Variants in PTGIS observed in about 807,000 individuals in gnomAD.
PTGIS encodes the protein prostaglandin I2 synthase, also known as prostacyclin synthase.
Under a neutral mutation model 50.3 loss-of-function variants are expected in PTGIS, and 45 were observed. The ratio of observed to expected loss-of-function variants is 0.90; its 90% confidence interval spans 0.70 to 1.15. The LOEUF is 1.15. Among genes scored for constraint, PTGIS ranks in the 50% most tolerant of loss-of-function variants. The pLI is 0.00. For synonymous variants in PTGIS, 260 were observed against 267.7 expected (o/e 0.97, Z 0.28); for missense variants, 668 against 661.3 (o/e 1.01, Z -0.11).
intron 1 of PTGIS, among the ~76,000 whole-genome samples, chr20:49,565,394 C>T (rs774216950): frequency 1.3e-5 from 2 of 152,132 alleles, no homozygotes; most frequent in Non-Finnish European, 2.9e-5. Context: ...CAAAGCCAGG[C>T]GTGGTGGTTC....
rs564372028 is a variant in PTGIS, at chr20:49,524,226, G to A, written c.687C>T (p.His229=). ...ACAGGCGACTTTTGACACTGCACAT[G>A]TGGTCCTTGTCCCCTGCAGGGACAG... is the stretch of plus-strand genomic sequence containing the variant. ...RGSLSVGDKD[H]MCSVKSRLWK... Residue 229 remains histidine (H), a synonymous_variant, in exon 6 of 10, where the codon CAC becomes CAT. Transcript: ENST00000244043. 9.9e-6 allele frequency: 16 copies of A among 1,614,154 alleles called. No individual in the cohort carries two copies. In the African/African-American group the frequency reaches 1.6e-4, roughly 16 times the overall value.
At chr20:49,551,429 A>G (rs1452450578) in intron 1 of PTGIS, among the ~76,000 whole-genome samples, 1 of 152,152 alleles carries the variant, frequency 6.6e-6, no homozygotes, top group Non-Finnish European at 1.5e-5. Flanking sequence ...CCAGACATTT[A>G]TTTCTATTGA....
intron 5 of PTGIS, among the ~76,000 whole-genome samples, chr20:49,531,357 T>C (rs913522784): frequency 6.6e-6 from 1 of 152,118 alleles, no homozygotes; most frequent in Non-Finnish European, 1.5e-5. Flanking sequence ...CAAAGCTGTG[T>C]AGTTAAAGGG....
intron 6 of PTGIS, among the ~76,000 whole-genome samples, chr20:49,518,275 C>A (rs183588502): frequency 1.4e-4 from 21 of 152,246 alleles, no homozygotes; most frequent in Admixed American, 1.4e-3. Flanking sequence ...CTGAGGGACA[C>A]CAGCGATGGA....
rs2122830905 is a variant in PTGIS at position 49,507,300 on chromosome 20, C to T, written c.*620G>A. ...CCAGTGTTTGGAGGGTGCCCCTGTT[C>T]TGCACCGGGAATGCATCAGCCTTGG... On this transcript the variant is annotated 3_prime_UTR_variant, in exon 10 of 10. Coordinates refer to ENST00000244043, the MANE Select transcript of PTGIS (RefSeq NM_000961.4). 1 of 177,646 alleles carries T rather than the reference C, an allele frequency of 5.6e-6. No homozygotes were observed. The highest frequency in any genetic ancestry group is 1.5e-4 in the East Asian group (1 of 6,816). The allele number at this position is 177,646 out of a possible 1,614,324, so 11.0% of individuals were successfully genotyped here.
intron 9 of PTGIS, 94 bp from the exon 10 acceptor site, chr20:49,508,158 T>C (rs980002342): frequency 7.0e-7 from 1 of 1,430,218 alleles, no homozygotes; most frequent in Non-Finnish European, 9.7e-7. Flanking sequence ...CTCCTAAGTC[T>C]GACTCCAACT....
chr20:49,526,491 C>G (rs748553890), intron 5 of PTGIS, among the ~76,000 whole-genome samples: 1 of 152,126 alleles, frequency 6.6e-6, no homozygotes, highest in Non-Finnish European at 1.5e-5. Context: ...TATATTTGCA[C>G]AATCAATGAA....
In PTGIS at chr20:49,527,873, C is replaced by T. The variant is rs189089991; in HGVS notation, c.674-3634G>A. 1.1e-3 allele frequency among the ~76,000 whole-genome samples: 169 copies of T among 152,262 alleles called. 2 individuals carry two copies. In the South Asian group the frequency reaches 0.019, roughly 18 times the overall value. ...CATTCTGGGCGGGTGCAGTGGCTCA[C>T]GCATGTAATCCCAACACTTTGGGAG... On this transcript the variant is annotated intron_variant, in intron 5 of 9. Transcript: ENST00000244043.
At position 49,544,446 on chromosome 20, in the gene PTGIS, G is replaced by T. The variant is rs771458163; in HGVS notation, c.380C>A (p.Thr127Asn). Residue 127 changes from threonine to asparagine, a missense_variant and splice_region_variant, in exon 4 of 10, where the codon ACT (threonine) becomes AAT (asparagine). By Grantham distance (65) the Thr-to-Asn change is moderately conservative. Transcript: ENST00000244043. ...PSDEKARMKL[T>N]LLHRELQALT... ...TGCCTGGAGCTCTCTGTGGAGAAGA[G>T]TCCTGAGGCAGGAAACAAAAGCATG... The T allele has an allele frequency of 1.9e-6, 3 of 1,614,136 alleles. No individual in the cohort carries two copies. The highest frequency in any genetic ancestry group is 2.5e-6 in the Non-Finnish European group (3 of 1,180,016).
At chr20:49,547,437 T>C (rs1489667475) in intron 3 of PTGIS, among the ~76,000 whole-genome samples, 1 of 152,084 alleles carries the variant, frequency 6.6e-6, no homozygotes, top group Non-Finnish European at 1.5e-5. Context: ...CTCAGAAATA[T>C]TCATCATTCC....
Position 49,504,538 on chromosome 20 carries a change from AC to A in PTGIS, c.*3381del, listed in dbSNP as rs1268399958. 3 of 151,922 alleles carry A rather than the reference AC, an allele frequency of 2.0e-5. No homozygotes were observed. Among genetic ancestry groups the A allele is most frequent in the Admixed American group, 6.6e-5 (1 of 15,260 alleles). 9.4% of individuals were successfully genotyped at this position (151,922 alleles called of 1,614,324 possible). On this transcript the variant is annotated 3_prime_UTR_variant, in exon 10 of 10. Transcript: ENST00000244043. ...GGGAAACCCCGTCTCTACTAAAAATACAAAAATCAGTTGGGCGTGGTGGTGT... is the reference window on the plus strand; with the variant it reads ...GGGAAACCCCGTCTCTACTAAAAATAAAAAATCAGTTGGGCGTGGTGGTGT...
chr20:49,503,897 T>C lies in PTGIS; in HGVS notation c.*4023A>G, dbSNP rs1601172048. 3 of 152,392 alleles carry C rather than the reference T, an allele frequency of 2.0e-5. No homozygotes were observed. Among genetic ancestry groups the C allele is most frequent in the Middle Eastern group, 3.4e-3 (1 of 294 alleles). The allele number at this position is 152,392 out of a possible 1,614,324, so 9.4% of individuals were successfully genotyped here. ...AGTTCCACAAACAAAGATGGTTTAA[T>C]AGATTTCAGCATGTTTCCACTTGAC... On this transcript the variant is annotated 3_prime_UTR_variant, in exon 10 of 10. Coordinates refer to ENST00000244043, the MANE Select transcript of PTGIS (RefSeq NM_000961.4).
chr20:49,526,536 A>G (rs964354367), intron 5 of PTGIS, among the ~76,000 whole-genome samples: 2 of 152,236 alleles, frequency 1.3e-5, no homozygotes, highest in Non-Finnish European at 2.9e-5. Flanking sequence ...GTATGAAAAG[A>G]CAGCTGACAG....
intron 3 of PTGIS, among the ~76,000 whole-genome samples, chr20:49,546,652 C>T (rs1185233001): frequency 6.6e-6 from 1 of 152,172 alleles, no homozygotes; most frequent in Non-Finnish European, 1.5e-5. Flanking sequence ...AAATCCCAGT[C>T]CTGCCACTTA....
chr20:49,553,984 T>C (rs895606713), intron 1 of PTGIS, among the ~76,000 whole-genome samples: 1 of 152,182 alleles, frequency 6.6e-6, no homozygotes, highest in Non-Finnish European at 1.5e-5. Context: ...TTATTTATAA[T>C]AGTCTTTCTA....
intron 6 of PTGIS, among the ~76,000 whole-genome samples, chr20:49,520,179 A>G (rs577917853): frequency 2.6e-4 from 39 of 152,188 alleles, no homozygotes; most frequent in Admixed American, 2.5e-3. Flanking sequence ...GGGCCTTTGC[A>G]CTTGCTGCTC....
chr20:49,509,845 T>C, intron 9 of PTGIS, among the ~76,000 whole-genome samples: 1 of 151,238 alleles, frequency 6.6e-6, no homozygotes, highest in Non-Finnish European at 1.5e-5. Context: ...AGTCCCCCTT[T>C]TCCCTCAATC....
At chr20:49,549,903 T>A (rs1484291218) in intron 2 of PTGIS, among the ~76,000 whole-genome samples, 163 bp downstream of exon 2, 1 of 151,978 alleles carries the variant, frequency 6.6e-6, no homozygotes, top group Admixed American at 6.6e-5. Flanking sequence ...AGAGTGCAGC[T>A]GGACAGGCAG....
chr20:49,509,687 G>A (rs1471841523), intron 9 of PTGIS, among the ~76,000 whole-genome samples: 2 of 151,998 alleles, frequency 1.3e-5, no homozygotes, highest in Non-Finnish European at 2.9e-5. Context: ...ACTAAGCATC[G>A]ATCTACAGCC....
Sources: allele counts gnomAD v4.1 joint callset (sites outside exome capture counted in the v4.1 genomes callset), GRCh38; gene constraint gnomAD v4.1.1; transcripts MANE v1.5; gene names NCBI Gene and HGNC (gene_info 2026-07-23, HGNC 2026-07-21).